S1PR3: variants seen among roughly 807,000 people sequenced by gnomAD.
The protein encoded by S1PR3 is sphingosine 1-phosphate receptor 3.
In S1PR3, 12 loss-of-function variants were observed where a neutral mutation model predicts 13.3. The ratio of observed to expected loss-of-function variants is 0.90; its 90% CI spans 0.58 to 1.46. S1PR3 has a LOEUF of 1.46. Among genes scored for constraint, S1PR3 ranks in the 40% most tolerant of loss-of-function variants. The pLI, the probability that S1PR3 is intolerant of heterozygous loss-of-function variation, is 0.00. For missense variants in S1PR3, 450 were observed against 501.9 expected, an observed-to-expected ratio of 0.90 and a Z score of 0.99; for synonymous variants, 232 against 214.0, an observed-to-expected ratio of 1.08 and a Z score of -0.73.
At chr9:88,991,301 G>T (rs1587662284), upstream of S1PR3, 4 of 1,520,586 alleles carry the variant, frequency 2.6e-6, no homozygotes, top group Non-Finnish European at 3.5e-6. The surrounding 1 kb of genome is among the most constrained non-coding windows in gnomAD (Gnocchi z 4.0). Context: ...AGACCAGGCG[G>T]CTTGAGCGGG....
In S1PR3 at chr9:89,001,087, C is replaced by A; in HGVS notation, c.-114C>A. The A allele has an allele frequency of 8.1e-7, 1 of 1,230,908 alleles. No individual in the cohort carries two copies. The highest frequency in any genetic ancestry group is 1.1e-6 in the Non-Finnish European group (1 of 872,652). 76.2% of individuals were successfully genotyped at this position (1,230,908 alleles called of 1,614,324 possible). Reference sequence around the variant, plus strand: ...TTTCAACGCCCTCGCTGGAGTCTGGCCTGCACGCCTTGCTGAATGAAGCCG... The same window carrying A: ...TTTCAACGCCCTCGCTGGAGTCTGGACTGCACGCCTTGCTGAATGAAGCCG... On this transcript the variant is annotated 5_prime_UTR_variant, in exon 2 of 2. Transcript: ENST00000358157.
Position 89,005,063 on chromosome 9 carries a change from C to T in S1PR3, c.*2726C>T, listed in dbSNP as rs1217572613. The T allele has an allele frequency of 6.1e-6, 1 of 164,070 alleles. No individual in the cohort carries two copies. The highest frequency in any genetic ancestry group is 1.5e-5 in the Non-Finnish European group (1 of 68,114). The allele number at this position is 164,070 out of a possible 1,614,324, so 10.2% of individuals were successfully genotyped here. On this transcript the variant is annotated 3_prime_UTR_variant, in exon 2 of 2. Transcript: ENST00000358157. ...TTTTATCGTTTTCACCGGGTGCCCT[C>T]CCCACTGCAGGGGTGCGCACTGTTG... is the stretch of plus-strand genomic sequence containing the variant.
chr9:88,993,651 T>G (rs1000229978), intron 1 of S1PR3: 3 of 152,254 alleles, frequency 2.0e-5, no homozygotes, highest in Admixed American at 2.0e-4. Context: ...AAATGTATAA[T>G]GTTTGAGAAA....
rs908338894 is a variant in S1PR3 at position 89,003,377 on chromosome 9, G to A, written c.*1040G>A. 4.8e-5 allele frequency: 8 copies of A among 167,078 alleles called. No homozygotes were observed. The highest frequency in any genetic ancestry group is 1.4e-4 in the African/African-American group (6 of 41,452). The allele number at this position is 167,078 out of a possible 1,614,324, so 10.3% of individuals were successfully genotyped here. A position where few individuals can be genotyped will look rare whatever the true frequency, so the allele number is the denominator to read the frequency against. On this transcript the variant is annotated 3_prime_UTR_variant, in exon 2 of 2. Transcript: ENST00000358157. ...TCACAGCTAAGTAGCTGTGGCCACC[G>A]GCAGTTTCACAGCATCCTGAAAGCT... is the stretch of plus-strand genomic sequence containing the variant.
At position 89,002,807 on chromosome 9, in the gene S1PR3, A is replaced by G. The variant is rs536183173; in HGVS notation, c.*470A>G. ...CATGTGGTACCTACATAGAATCTCCATACAACACACAGGTAACAGGTTATA... is the reference window on the plus strand; with the variant it reads ...CATGTGGTACCTACATAGAATCTCCGTACAACACACAGGTAACAGGTTATA... On this transcript the variant is annotated 3_prime_UTR_variant, in exon 2 of 2. Transcript: ENST00000358157. The G allele has an allele frequency of 8.1e-4, 164 of 201,950 alleles. No individual in the cohort carries two copies. Among genetic ancestry groups the G allele is most frequent in the Middle Eastern group, 4.9e-3 (2 of 408 alleles). The allele number at this position is 201,950 out of a possible 1,614,324, so 12.5% of individuals were successfully genotyped here. A position where few individuals can be genotyped will look rare whatever the true frequency, so the allele number is the denominator to read the frequency against.
Position 89,002,113 on chromosome 9 carries a change from A to G in S1PR3, c.913A>G (p.Met305Val). The G allele has an allele frequency of 6.2e-7, 1 of 1,613,862 alleles. No homozygotes were observed. The highest frequency in any genetic ancestry group is 8.5e-7 in the Non-Finnish European group (1 of 1,180,002). ...CATCTACACGCTGGCCAGCAAGGAG[A>G]TGCGGCGGGCCTTCTTCCGTCTGGT... is the stretch of plus-strand genomic sequence containing the variant. ...PVIYTLASKE[M>V]RRAFFRLVCN... The change falls in exon 2 of 2, where the codon ATG (methionine) becomes GTG (valine). Residue 305 changes from methionine (M) to valine (V), a missense_variant. Coordinates refer to ENST00000358157, the MANE Select transcript of S1PR3 (RefSeq NM_005226.4).
upstream of S1PR3, chr9:88,991,014 A>G: frequency 6.2e-7 from 1 of 1,613,538 alleles, no homozygotes; most frequent in South Asian, 1.1e-5. This position sits in a 1 kb window ranked among gnomAD's most constrained non-coding sequence, Gnocchi z 4.0. Flanking sequence ...GATCTGGACA[A>G]CGATAATGAT....
chr9:89,001,994 T>C lies in S1PR3; in HGVS notation c.794T>C (p.Ile265Thr), dbSNP rs145125543. Reference protein sequence around the residue: ...CWSPLFILFLIDVACRVQACP... With the variant: ...CWSPLFILFLTDVACRVQACP... ...TCCCCACTCTTCATCCTCTTCCTCATTGATGTGGCCTGCAGGGTGCAGGCG... is the reference window on the plus strand; with the variant it reads ...TCCCCACTCTTCATCCTCTTCCTCACTGATGTGGCCTGCAGGGTGCAGGCG... The change falls in exon 2 of 2, where the codon ATT (isoleucine) becomes ACT (threonine). Residue 265 changes from isoleucine (I) to threonine (T), a missense_variant. By Grantham distance (89) the Ile-to-Thr change is moderately conservative. Transcript: ENST00000358157. 7.4e-4 allele frequency: 1,192 copies of C among 1,614,136 alleles called. 1 individual carries two copies. Among genetic ancestry groups the C allele is most frequent in the Non-Finnish European group, 9.2e-4 (1,085 of 1,180,014 alleles).
Position 89,001,675 on chromosome 9 carries a change from G to A in S1PR3, c.475G>A (p.Gly159Arg), listed in dbSNP as rs56368313. The A allele has an allele frequency of 6.2e-7, 1 of 1,614,160 alleles. No individual in the cohort carries two copies. ...NKRHRVFLLI[G>R]MCWLIAFTLG... The stretch of plus-strand genomic sequence containing the variant: ...GAGGCACCGCGTCTTCCTCCTGATC[G>A]GGATGTGCTGGCTCATTGCCTTCAC... Residue 159 changes from glycine to arginine, a missense_variant, in exon 2 of 2, where the codon GGG (glycine) becomes AGG (arginine). Coordinates refer to ENST00000358157, the MANE Select transcript of S1PR3 (RefSeq NM_005226.4).
In S1PR3 at chr9:89,004,264, T is replaced by TAG. The variant is rs1273504839; in HGVS notation, c.*1928_*1929dup. 7 of 152,302 alleles carry TAG rather than the reference T, an allele frequency of 4.6e-5. No homozygotes were observed. The highest frequency in any genetic ancestry group is 1.7e-4 in the African/African-American group (7 of 41,540). The allele number at this position is 152,302 out of a possible 1,614,324, so 9.4% of individuals were successfully genotyped here. ...AAATACAAAAATTAGCTGGATGCGA[T>TAG]AGCACGTGCCTGTAGTCCCAGCTAC... On this transcript the variant is annotated 3_prime_UTR_variant, in exon 2 of 2. Transcript: ENST00000358157.
intron 1 of S1PR3, chr9:88,992,091 A>G: frequency 6.5e-7 from 1 of 1,528,816 alleles, no homozygotes. Flanking sequence ...TATTCGCCGG[A>G]AAATTAGTTT....
chr9:88,991,338 T>C, upstream of S1PR3: 2 of 1,111,616 alleles, frequency 1.8e-6, no homozygotes, highest in Non-Finnish European at 2.4e-6. The surrounding 1 kb of genome is among the most constrained non-coding windows in gnomAD (Gnocchi z 4.0). Flanking sequence ...GAGTGCCGGG[T>C]TCGCGGGCGG....
chr9:88,991,357 G>C, upstream of S1PR3: 1 of 1,144,328 alleles, frequency 8.7e-7, no homozygotes, highest in Admixed American at 2.2e-5. This position sits in a 1 kb window ranked among gnomAD's most constrained non-coding sequence, Gnocchi z 4.0. Flanking sequence ...GGGGGACGGG[G>C]AGAGGGGGGC....
In S1PR3 at chr9:89,002,461, G is replaced by A; in HGVS notation, c.*124G>A. 1 of 1,183,908 alleles carries A rather than the reference G, an allele frequency of 8.4e-7. No individual in the cohort carries two copies. Among genetic ancestry groups the A allele is most frequent in the South Asian group, 1.5e-5 (1 of 65,858 alleles). The allele number at this position is 1,183,908 out of a possible 1,614,324, so 73.3% of individuals were successfully genotyped here. On this transcript the variant is annotated 3_prime_UTR_variant, in exon 2 of 2. Coordinates refer to ENST00000358157, the MANE Select transcript of S1PR3 (RefSeq NM_005226.4). ...TACTTTGACCAACAGCCTGCCCAGT[G>A]TGGATGTCTCTTACAGAGGGGGCCC... is the stretch of plus-strand genomic sequence containing the variant.
upstream of S1PR3, chr9:88,991,061 A>G (rs756149226): frequency 1.2e-6 from 2 of 1,612,866 alleles, no homozygotes; most frequent in Non-Finnish European, 1.7e-6. This position sits in a 1 kb window ranked among gnomAD's most constrained non-coding sequence, Gnocchi z 4.0. Context: ...GCCCAAACAA[A>G]CCCTCGCTGT....
At position 89,002,077 on chromosome 9, in the gene S1PR3, A is replaced by G. The variant is rs1216267097; in HGVS notation, c.877A>G (p.Met293Val). 2.5e-6 allele frequency: 4 copies of G among 1,613,764 alleles called. No homozygotes were observed. The highest frequency in any genetic ancestry group is 1.7e-5 in the Admixed American group (1 of 60,010). Residue 293 changes from methionine to valine, a missense_variant, in exon 2 of 2, where the codon ATG becomes GTG. By Grantham distance (21) the Met-to-Val change is conservative. Coordinates refer to ENST00000358157, the MANE Select transcript of S1PR3 (RefSeq NM_005226.4). ...FIVLAVLNSA[M>V]NPVIYTLASK... The stretch of plus-strand genomic sequence containing the variant: ...CGTGTTGGCTGTGCTCAACTCCGCC[A>G]TGAACCCGGTCATCTACACGCTGGC...
At chr9:88,993,124 C>A (rs1028824150) in intron 1 of S1PR3, 19 of 118,348 alleles carry the variant, frequency 1.6e-4, no homozygotes, top group African/African-American at 7.0e-4. Flanking sequence ...CTCTGATTTT[C>A]TACCATATAC....
At chr9:88,993,754 T>G (rs1825760641) in intron 1 of S1PR3, 1 of 152,170 alleles carries the variant, frequency 6.6e-6, no homozygotes, top group Non-Finnish European at 1.5e-5. Context: ...GGGCATAAAG[T>G]CTCCTTCCCT....
chr9:89,000,816 C>A, intron 1 of S1PR3: 1 of 257,564 alleles, frequency 3.9e-6, no homozygotes, highest in Non-Finnish European at 7.5e-6. Context: ...TTACAGGATT[C>A]AATAATTCAT....
Sources: gnomAD v4.1 joint callset for allele counts on GRCh38, gnomAD v4.1.1 for gene constraint, Gnocchi (gnomAD v3.1) non-coding constraint, MANE v1.5 for transcripts, NCBI Gene and HGNC (gene_info 2026-07-23, HGNC 2026-07-21) for gene names.